The following VPS8 variants were observed in gnomAD, a reference collection of about 807,000 sequenced individuals.
VPS8 encodes the protein VPS8 subunit of CORVET complex, also known as vacuolar protein sorting-associated protein 8 homolog.
Under a neutral mutation model 216.4 loss-of-function variants are expected in VPS8, and 129 were observed. That is an observed-to-expected ratio of 0.60 (90% CI 0.52 to 0.69). The LOEUF (loss-of-function observed/expected upper bound fraction) is 0.69, where lower values mean the gene tolerates loss of function less well. Ranked by LOEUF, VPS8 falls within the 30% of genes least tolerant of loss-of-function variation. The pLI is 0.00. For synonymous variants in VPS8, 571 were observed against 565.4 expected, an observed-to-expected ratio of 1.01 and a Z score of -0.14; for missense variants, 1,531 against 1,683.5, an observed-to-expected ratio of 0.91 and a Z score of 1.59.
chr3:185,051,011 A>G lies in VPS8; in HGVS notation c.4138-865A>G, dbSNP rs567099086. 2.6e-5 allele frequency among the ~76,000 whole-genome samples: 4 copies of G among 152,200 alleles called. No individual in the cohort carries two copies. In the East Asian group the frequency reaches 7.8e-4, roughly 30 times the overall value. On this transcript the variant is annotated intron_variant, in intron 47 of 47. Coordinates refer to ENST00000625842, the MANE Select transcript of VPS8 (RefSeq NM_001009921.3). Reference sequence around the variant, plus strand: ...ATGTTCTGGGAAGCAACAGGCAAAGACCCTAATCAGGCAGGAAGTCTAAGG... The same window carrying G: ...ATGTTCTGGGAAGCAACAGGCAAAGGCCCTAATCAGGCAGGAAGTCTAAGG...
intron 42 of VPS8, among the ~76,000 whole-genome samples, chr3:184,988,502 CT>C (rs1751444343): frequency 2.0e-5 from 3 of 152,052 alleles, no homozygotes; most frequent in Admixed American, 1.3e-4. Context: ...GTTTTCTGTT[CT>C]TTTACAATGA....
At chr3:184,851,571 T>C (rs1316144159) in intron 10 of VPS8, among the ~76,000 whole-genome samples, 1 of 151,924 alleles carries the variant, frequency 6.6e-6, no homozygotes, top group Admixed American at 6.6e-5. Context: ...GAAATACAAG[T>C]TCTGTTATTT....
intron 1 of VPS8, among the ~76,000 whole-genome samples, chr3:184,819,021 A>G (rs1716963430): frequency 6.6e-6 from 1 of 152,160 alleles, no homozygotes. Context: ...AACTGGTGCA[A>G]GTTTAACTTG....
chr3:184,821,956 G>A (rs954677607), intron 1 of VPS8, among the ~76,000 whole-genome samples: 1 of 152,036 alleles, frequency 6.6e-6, no homozygotes, highest in African/African-American at 2.4e-5. Flanking sequence ...TTGACCATTA[G>A]CCTCTACGAG....
At chr3:185,006,763 G>T (rs930544456) in intron 45 of VPS8, among the ~76,000 whole-genome samples, 2 of 152,142 alleles carry the variant, frequency 1.3e-5, no homozygotes, top group Admixed American at 6.5e-5. Context: ...GGCAGCTTCC[G>T]CCTGTTGCTG....
At position 184,849,919 on chromosome 3, in the gene VPS8, A is replaced by G; in HGVS notation, c.667-17A>G. The G allele has an allele frequency of 6.2e-7, 1 of 1,603,314 alleles. No homozygotes were observed. Among genetic ancestry groups the G allele is most frequent in the South Asian group, 1.1e-5 (1 of 89,506 alleles). On this transcript the variant is annotated splice_polypyrimidine_tract_variant and intron_variant, in intron 9 of 47. Transcript: ENST00000625842. ...AGAGCAATAAATTTGTTTTTGAAGCACTTAGTTGTCTTATAGATCACCATG... is the reference window on the plus strand; with the variant it reads ...AGAGCAATAAATTTGTTTTTGAAGCGCTTAGTTGTCTTATAGATCACCATG...
At position 184,964,472 on chromosome 3, in the gene VPS8, C is replaced by G. The variant is rs941818322; in HGVS notation, c.3188C>G (p.Thr1063Ser). 3 of 1,493,036 alleles carry G rather than the reference C, an allele frequency of 2.0e-6. No individual in the cohort carries two copies. In the African/African-American group the frequency reaches 4.2e-5, roughly 21 times the overall value. The allele number at this position is 1,493,036 out of a possible 1,614,324, so 92.5% of individuals were successfully genotyped here. A position where few individuals can be genotyped will look rare whatever the true frequency, so the allele number is the denominator to read the frequency against. ...TTTATCTTTTTTATTTCCTAGATTACTCAGAAGTATCAACTTCATGAAGTC... is the reference window on the plus strand; with the variant it reads ...TTTATCTTTTTTATTTCCTAGATTAGTCAGAAGTATCAACTTCATGAAGTC... ...CYRLEETIQI[T>S]QKYQLHEVTA... Residue 1063 changes from threonine (T) to serine (S), a missense_variant, in exon 38 of 48, where the codon ACT becomes AGT. Physicochemically the swap from Thr to Ser is moderately conservative, Grantham distance 58. Transcript: ENST00000625842.
intron 21 of VPS8, chr3:184,882,346 TA>T (rs1560510877): frequency 2.2e-6 from 1 of 451,358 alleles, no homozygotes; most frequent in Non-Finnish European, 4.4e-6. Context: ...TTTTTTTCTT[TA>T]GGCTATTGGC....
intron 4 of VPS8, 121 bp downstream of exon 4, chr3:184,832,940 GATATA>G (rs1720307823): frequency 8.1e-7 from 1 of 1,237,938 alleles, no homozygotes; most frequent in South Asian, 1.6e-5. Flanking sequence ...AAGTAGAAGG[GATATA>G]ATATCTTGAA....
At chr3:184,837,961 G>A (rs1560323190) in intron 5 of VPS8, among the ~76,000 whole-genome samples, 2 of 152,126 alleles carry the variant, frequency 1.3e-5, no homozygotes, top group African/African-American at 2.4e-5. Context: ...ATCTGTATAC[G>A]CAAGCTCTTT....
chr3:184,980,220 A>G (rs1442775601), intron 40 of VPS8, among the ~76,000 whole-genome samples: 2 of 146,296 alleles, frequency 1.4e-5, no homozygotes, highest in Non-Finnish European at 3.0e-5. Flanking sequence ...AGCGGCCTTT[A>G]GTTTTTTTTT....
chr3:184,868,856 A>C, intron 18 of VPS8, 90 bp from the exon 19 acceptor site: 1 of 1,128,358 alleles, frequency 8.9e-7, no homozygotes, highest in Non-Finnish European at 1.3e-6. Context: ...ACTAAGCAGC[A>C]ACTTCTGGAA....
At chr3:184,928,752 A>G (rs1407333633) in intron 32 of VPS8, among the ~76,000 whole-genome samples, 1 of 152,196 alleles carries the variant, frequency 6.6e-6, no homozygotes, top group Admixed American at 6.5e-5. Flanking sequence ...ACTTTTATAT[A>G]ATTGTTTAAA....
rs1307499519 is a variant in VPS8, at chr3:185,030,883, C to T, written c.4056+6494C>T. Among the ~76,000 whole-genome samples the T allele has an allele frequency of 3.3e-5, 5 of 152,156 alleles. No individual in the cohort carries two copies. The East Asian group carries it at 9.7e-4, about 29-fold the overall frequency. On this transcript the variant is annotated intron_variant, in intron 46 of 47. Coordinates refer to ENST00000625842, the MANE Select transcript of VPS8 (RefSeq NM_001009921.3). ...GCTCAAGCGATTCTCCCACCTCAGC[C>T]TCCTGAGTAATTGGGATTATAGGCA...
intron 37 of VPS8, among the ~76,000 whole-genome samples, chr3:184,960,881 C>G (rs1350589036): frequency 6.6e-6 from 1 of 152,190 alleles, no homozygotes; most frequent in Non-Finnish European, 1.5e-5. Flanking sequence ...TTTATACCTA[C>G]TAAGTGGTAG....
rs1258228813 is a variant in VPS8, at chr3:184,957,570, C to T, written c.3183+49C>T. On this transcript the variant is annotated intron_variant, in intron 37 of 47. Transcript: ENST00000625842. ...ACAAGAGTAAACTCTTCTTAACATTCTCCATTTGACAGATGATCAAAGACA... is the reference window on the plus strand; with the variant it reads ...ACAAGAGTAAACTCTTCTTAACATTTTCCATTTGACAGATGATCAAAGACA... 6 of 1,530,440 alleles carry T rather than the reference C, an allele frequency of 3.9e-6. No homozygotes were observed. In the Admixed American group the frequency reaches 1.3e-4, roughly 34 times the overall value. The allele number at this position is 1,530,440 out of a possible 1,614,324, so 94.8% of individuals were successfully genotyped here. A position where few individuals can be genotyped will look rare whatever the true frequency, so the allele number is the denominator to read the frequency against.
At chr3:184,924,398 T>C (rs1739186371) in intron 29 of VPS8, among the ~76,000 whole-genome samples, 1 of 152,118 alleles carries the variant, frequency 6.6e-6, no homozygotes, top group Admixed American at 6.5e-5. Context: ...ACGCCTGTAG[T>C]CCCAGCTACT....
At chr3:184,893,162 C>A in intron 22 of VPS8, 2 of 748,374 alleles carry the variant, frequency 2.7e-6, no homozygotes, top group Non-Finnish European at 3.4e-6. Context: ...GTTGCAAATG[C>A]TGTTAATTGC....
At position 184,957,480 on chromosome 3, in the gene VPS8, C is replaced by T; in HGVS notation, c.3142C>T (p.Leu1048=). The T allele has an allele frequency of 1.2e-6, 2 of 1,612,454 alleles. No homozygotes were observed. The highest frequency in any genetic ancestry group is 1.7e-6 in the Non-Finnish European group (2 of 1,179,252). Residue 1048 remains leucine, a synonymous_variant, in exon 37 of 48, where the codon CTG becomes TTG. Coordinates refer to ENST00000625842, the MANE Select transcript of VPS8 (RefSeq NM_001009921.3). ...CAACCCAACCCAAGTTATAGAGACT[C>T]TGCAAGTCCTTGAGTGCTACCGTCT... ...QFNPTQVIET[L]QVLECYRLEE... is the part of the protein sequence containing the mutation.
Sources: allele counts gnomAD v4.1 joint callset (sites outside exome capture counted in the v4.1 genomes callset), GRCh38; gene constraint gnomAD v4.1.1; transcripts MANE v1.5; gene names NCBI Gene and HGNC (gene_info 2026-07-23, HGNC 2026-07-21).